Variants in PLCL1 observed in about 807,000 individuals in gnomAD.
The protein encoded by PLCL1 is inactive phospholipase C-like protein 1.
In PLCL1, 41 loss-of-function variants were observed where a neutral mutation model predicts 84.4. The observed-to-expected ratio is 0.49, with a 90% CI of 0.38 to 0.63. PLCL1 has a LOEUF of 0.63. PLCL1 is among the 30% of genes least tolerant of loss of function. The pLI is 0.00. For missense variants in PLCL1, 1,206 were observed against 1,367.8 expected (o/e 0.88, Z 1.87); for synonymous variants, 490 against 488.3 (o/e 1.00, Z -0.05).
At chr2:198,080,941 T>C (rs189208802) in intron 1 of PLCL1, among the ~76,000 whole-genome samples, 13 of 152,322 alleles carry the variant, frequency 8.5e-5, no homozygotes, top group Non-Finnish European at 1.6e-4. Flanking sequence ...AAAACATGTA[T>C]TTCTTGAAGG....
intron 1 of PLCL1, among the ~76,000 whole-genome samples, chr2:197,856,285 A>G (rs1687328839): frequency 6.6e-6 from 1 of 152,170 alleles, no homozygotes; most frequent in Non-Finnish European, 1.5e-5. Flanking sequence ...GTCATATCCA[A>G]CCATGCTTAT....
intron 1 of PLCL1, among the ~76,000 whole-genome samples, chr2:197,867,384 AT>A (rs5837565): frequency 0.2 from 29,664 of 145,932 alleles, 2,874 homozygotes; most frequent in East Asian, 0.27. Context: ...ATCTGTAGGT[AT>A]TTTTTTTTTT....
intron 3 of PLCL1, among the ~76,000 whole-genome samples, chr2:198,094,179 C>A (rs966717533): frequency 1.3e-5 from 2 of 151,942 alleles, no homozygotes; most frequent in Non-Finnish European, 1.5e-5. Flanking sequence ...CTCCTGCCTC[C>A]GCCTCCCCAG....
At chr2:197,818,964 C>A (rs1690749795) in intron 1 of PLCL1, among the ~76,000 whole-genome samples, 1 of 152,056 alleles carries the variant, frequency 6.6e-6, no homozygotes, top group Non-Finnish European at 1.5e-5. Flanking sequence ...GGGAAAAGGT[C>A]AATGTTCATG....
At chr2:197,989,108 A>C (rs1017577691) in intron 1 of PLCL1, among the ~76,000 whole-genome samples, 1 of 152,236 alleles carries the variant, frequency 6.6e-6, no homozygotes, top group African/African-American at 2.4e-5. Flanking sequence ...GAATGAACCT[A>C]CAAAATGCGT....
intron 1 of PLCL1, among the ~76,000 whole-genome samples, chr2:197,852,113 G>C (rs1687251596): frequency 6.6e-6 from 1 of 152,222 alleles, no homozygotes; most frequent in Non-Finnish European, 1.5e-5. Context: ...GATGTACCGG[G>C]TGGTGATAGT....
chr2:197,872,127 A>T (rs1247049575), intron 1 of PLCL1, among the ~76,000 whole-genome samples: 1 of 152,154 alleles, frequency 6.6e-6, no homozygotes, highest in East Asian at 1.9e-4. Context: ...TTAAAAAGCC[A>T]GTTGACCTGA....
intron 1 of PLCL1, among the ~76,000 whole-genome samples, chr2:197,999,314 C>G (rs1690542865): frequency 6.6e-6 from 1 of 152,168 alleles, no homozygotes; most frequent in Non-Finnish European, 1.5e-5. Context: ...TACATACAAT[C>G]ATTTAGCACA....
intron 5 of PLCL1, among the ~76,000 whole-genome samples, chr2:198,128,552 A>C (rs1327421870): frequency 6.6e-6 from 1 of 152,142 alleles, no homozygotes; most frequent in African/African-American, 2.4e-5. Context: ...TGGGCATCAC[A>C]GGATCAGATG....
chr2:197,890,682 C>CTATATATA (rs1553500076), intron 1 of PLCL1, among the ~76,000 whole-genome samples: 70 of 116,202 alleles, frequency 6.0e-4, no homozygotes, highest in African/African-American at 2.1e-3. Flanking sequence ...TATTTTTTTG[C>CTATATATA]TATATATATA....
intron 1 of PLCL1, among the ~76,000 whole-genome samples, chr2:198,040,833 G>T (rs1691643369): frequency 6.6e-6 from 1 of 152,148 alleles, no homozygotes; most frequent in Non-Finnish European, 1.5e-5. Context: ...AGAGTTTCAT[G>T]TAGAAACTGA....
intron 1 of PLCL1, among the ~76,000 whole-genome samples, chr2:197,870,492 C>T (rs1463905933): frequency 6.7e-6 from 1 of 148,614 alleles, no homozygotes; most frequent in Non-Finnish European, 1.5e-5. Context: ...TTTAACTATT[C>T]TTCCTGGGTG....
intron 1 of PLCL1, among the ~76,000 whole-genome samples, chr2:197,978,340 G>A (rs975150713): frequency 3.3e-5 from 5 of 152,266 alleles, no homozygotes; most frequent in African/African-American, 7.2e-5. Context: ...GGCCGGGCGT[G>A]GTGGTGGGCG....
At chr2:197,848,843 A>G (rs187119156) in intron 1 of PLCL1, among the ~76,000 whole-genome samples, 1 of 152,316 alleles carries the variant, frequency 6.6e-6, no homozygotes, top group Admixed American at 6.5e-5. Context: ...ATATAGGACC[A>G]CAGAGATGAG....
Position 197,981,987 on chromosome 2 carries a change from T to A in PLCL1, c.241-101771T>A, listed in dbSNP as rs1261087628. Among the ~76,000 whole-genome samples the A allele has an allele frequency of 4.6e-5, 7 of 152,036 alleles. No individual in the cohort carries two copies. The East Asian group carries it at 1.3e-3, about 29-fold the overall frequency. ...ATCTATGTATTTTAATTATTTTAAGTTAGAAAACTGTAATATAGTTTTAAT... is the reference window on the plus strand; with the variant it reads ...ATCTATGTATTTTAATTATTTTAAGATAGAAAACTGTAATATAGTTTTAAT... On this transcript the variant is annotated intron_variant, in intron 1 of 5. Transcript: ENST00000428675.
At chr2:198,059,855 C>T (rs993952680) in intron 1 of PLCL1, among the ~76,000 whole-genome samples, 1 of 152,066 alleles carries the variant, frequency 6.6e-6, no homozygotes, top group Non-Finnish European at 1.5e-5. Context: ...GGAATTCCGT[C>T]GATGCACGGG....
At chr2:197,994,563 A>G (rs569135791) in intron 1 of PLCL1, among the ~76,000 whole-genome samples, 2 of 152,344 alleles carry the variant, frequency 1.3e-5, no homozygotes, top group South Asian at 4.1e-4. Context: ...CACAGGCCAA[A>G]TAGGATAACT....
intron 1 of PLCL1, among the ~76,000 whole-genome samples, chr2:197,878,342 G>A (rs755170884): frequency 6.6e-5 from 10 of 152,080 alleles, no homozygotes; most frequent in Non-Finnish European, 1.3e-4. Flanking sequence ...AGGGTGGCCT[G>A]GTAGCAGCAA....
intron 1 of PLCL1, among the ~76,000 whole-genome samples, chr2:198,043,368 G>A (rs1050346449): frequency 1.3e-5 from 2 of 152,196 alleles, no homozygotes; most frequent in African/African-American, 4.8e-5. Context: ...AATCTAATGA[G>A]TGGAAGCAAA....
Sources: gnomAD v4.1 joint callset for allele counts (sites outside exome capture counted in the v4.1 genomes callset) on GRCh38, gnomAD v4.1.1 for gene constraint, MANE v1.5 for transcripts, NCBI Gene and HGNC (gene_info 2026-07-23, HGNC 2026-07-21) for gene names.